The following ETV6 variants were observed in gnomAD, a reference collection of about 807,000 sequenced individuals.
ETV6 encodes the protein transcription factor ETV6.
ETV6 carries 16 observed loss-of-function variants against 51.1 expected under a neutral mutation model. The ratio of observed to expected loss-of-function variants is 0.31; its 90% CI spans 0.21 to 0.48. ETV6 has a LOEUF of 0.48. ETV6 is among the 20% of genes least tolerant of loss of function. ETV6 has a pLI of 0.99. For synonymous variants in ETV6, 240 were observed against 224.1 expected (o/e 1.07, Z -0.64); for missense variants, 458 against 594.8 (o/e 0.77, Z 2.39).
rs1193703888 is a variant in ETV6 at position 11,853,541 on chromosome 12, T to G, written c.443T>G (p.Leu148Arg). 6.2e-7 allele frequency: 1 copy of G among 1,614,272 alleles called. No individual in the cohort carries two copies. Among genetic ancestry groups the G allele is most frequent in the Admixed American group, 1.7e-5 (1 of 60,036 alleles). Residue 148 changes from leucine (L) to arginine (R), a missense_variant, in exon 4 of 8, where the codon CTG (leucine) becomes CGG (arginine). By Grantham distance (102) the Leu-to-Arg change is moderately radical. Transcript: ENST00000396373. ...ATACACACACAGCCGGAGGTCATAC[T>G]GCATCAGAACCATGAAGAAGGTACT... is the stretch of plus-strand genomic sequence containing the variant. ...NSIHTQPEVI[L>R]HQNHEEDNCV... is the part of the protein sequence containing the mutation.
intron 1 of ETV6, among the ~76,000 whole-genome samples, chr12:11,702,894 C>G (rs556197394): frequency 2.3e-4 from 35 of 152,220 alleles, no homozygotes; most frequent in African/African-American, 8.4e-4. Flanking sequence ...TCGCTTGAGC[C>G]CAGGAGTTTA....
intron 2 of ETV6, among the ~76,000 whole-genome samples, chr12:11,759,160 T>TC (rs1945046169): frequency 1.1e-5 from 1 of 92,744 alleles, no homozygotes; most frequent in Admixed American, 1.5e-4. Context: ...TTTATAGATG[T>TC]CTTTTTTTTT....
chr12:11,893,797 TATATATATATATATA>T lies in ETV6; in HGVS notation c.*2752_*2766del. 1 of 6,140 alleles carries T rather than the reference TATATATATATATATA, an allele frequency of 1.6e-4. No individual in the cohort carries two copies. 0.4% of individuals were successfully genotyped at this position (6,140 alleles called of 1,614,324 possible). On this transcript the variant is annotated 3_prime_UTR_variant, in exon 8 of 8. Coordinates refer to ENST00000396373, the MANE Select transcript of ETV6 (RefSeq NM_001987.5). Reference sequence around the variant, plus strand: ...TCCATCCCCAAGATCTCTCATTTTATATATATATATATATATATATATATATATATATATATATAT... The same window carrying T: ...TCCATCCCCAAGATCTCTCATTTTATTATATATATATATATATATATATAT...
chr12:11,698,078 C>G (rs765023097), intron 1 of ETV6, among the ~76,000 whole-genome samples: 1 of 152,044 alleles, frequency 6.6e-6, no homozygotes, highest in Non-Finnish European at 1.5e-5. Context: ...TTTTCCATAC[C>G]CCATTACTAT....
chr12:11,863,649 C>A (rs1246892824), intron 4 of ETV6, among the ~76,000 whole-genome samples: 1 of 152,208 alleles, frequency 6.6e-6, no homozygotes, highest in East Asian at 1.9e-4. Context: ...AAAAAATCTT[C>A]TTGTTTTAGA....
intron 1 of ETV6, among the ~76,000 whole-genome samples, chr12:11,723,946 T>A (rs947236072): frequency 1.3e-5 from 2 of 151,928 alleles, no homozygotes; most frequent in African/African-American, 2.4e-5. Context: ...GGACCTACAC[T>A]CTCGGGGGTG....
intron 5 of ETV6, among the ~76,000 whole-genome samples, chr12:11,876,698 C>A (rs1946990314): frequency 6.6e-6 from 1 of 152,170 alleles, no homozygotes; most frequent in South Asian, 2.1e-4. Context: ...GTTCAAAGGC[C>A]ATGGCCTACC....
At chr12:11,886,669 C>T (rs967601554) in intron 7 of ETV6, among the ~76,000 whole-genome samples, 3 of 152,128 alleles carry the variant, frequency 2.0e-5, no homozygotes, top group Non-Finnish European at 4.4e-5. Context: ...ATTTTTCTTT[C>T]CAGAATTCCT....
intron 1 of ETV6, among the ~76,000 whole-genome samples, chr12:11,733,407 CAAA>C (rs11394100): frequency 2.0e-5 from 2 of 101,076 alleles, no homozygotes; most frequent in Admixed American, 1.2e-4. Flanking sequence ...GACTCCATCT[CAAA>C]AAAAAAAAAA....
At chr12:11,784,862 AT>A (rs34004409) in intron 2 of ETV6, among the ~76,000 whole-genome samples, 1,837 of 85,752 alleles carry the variant, frequency 0.021, 33 homozygotes, top group African/African-American at 0.074. Context: ...TGCCTTGCTA[AT>A]TTTTTTTTTT....
At chr12:11,849,360 C>A (rs1946513336) in intron 3 of ETV6, among the ~76,000 whole-genome samples, 1 of 152,176 alleles carries the variant, frequency 6.6e-6, no homozygotes, top group Non-Finnish European at 1.5e-5. Flanking sequence ...GATCCTCCTG[C>A]CTCTGCCTCC....
chr12:11,709,253 CTCTTATCCCAGTTAGCCACTG>C (rs1214382116), intron 1 of ETV6, among the ~76,000 whole-genome samples: 1 of 152,184 alleles, frequency 6.6e-6, no homozygotes, highest in African/African-American at 2.4e-5. Context: ...TACCCCTGCC[CTCTTATCCCAGTTAGCCACTG>C]TCTTAAATTT....
chr12:11,872,791 C>G (rs1158575320), intron 5 of ETV6, among the ~76,000 whole-genome samples: 1 of 152,142 alleles, frequency 6.6e-6, no homozygotes, highest in East Asian at 1.9e-4. Flanking sequence ...CCACTGCACC[C>G]AGCCTATACT....
intron 2 of ETV6, among the ~76,000 whole-genome samples, chr12:11,820,940 TC>T (rs1946071042): frequency 6.6e-6 from 1 of 152,098 alleles, no homozygotes; most frequent in Non-Finnish European, 1.5e-5. Flanking sequence ...GTAACAATGA[TC>T]CAGGCAAGAG....
chr12:11,839,371 C>T (rs1946359673), intron 3 of ETV6, 67 bp downstream of exon 3: 3 of 1,461,736 alleles, frequency 2.1e-6, no homozygotes, highest in Admixed American at 2.0e-5. Context: ...TGGTCTTTAA[C>T]ACCCCTCACC....
intron 2 of ETV6, among the ~76,000 whole-genome samples, chr12:11,782,571 T>A (rs1025613546): frequency 3.3e-5 from 5 of 152,200 alleles, no homozygotes; most frequent in African/African-American, 1.2e-4. Context: ...CATTTTAAAA[T>A]TGGCTTTGTA....
chr12:11,886,397 A>G (rs1006801753), intron 7 of ETV6, among the ~76,000 whole-genome samples: 2 of 152,162 alleles, frequency 1.3e-5, no homozygotes, highest in Non-Finnish European at 2.9e-5. Flanking sequence ...TTTCTGAACC[A>G]GTATTTGTCA....
Position 11,893,843 on chromosome 12 carries a change from CACACACACACACAT to C in ETV6, c.*2803_*2816del, listed in dbSNP as rs1947346655. ...ATATATATATATATATATATATATA[CACACACACACACAT>C]ACACAAATATTCCAGGATACAAAAA... On this transcript the variant is annotated 3_prime_UTR_variant, in exon 8 of 8. Coordinates refer to ENST00000396373, the MANE Select transcript of ETV6 (RefSeq NM_001987.5). 1 of 54,182 alleles carries C rather than the reference CACACACACACACAT, an allele frequency of 1.8e-5. No homozygotes were observed. The highest frequency in any genetic ancestry group is 4.2e-4 in the East Asian group (1 of 2,360). 3.4% of individuals were successfully genotyped at this position (54,182 alleles called of 1,614,324 possible).
At position 11,728,033 on chromosome 12, in the gene ETV6, G is replaced by A. The variant is rs941651466; in HGVS notation, c.34-24417G>A. ...CGGGGTTTCACCATGTTGGCCAGGC[G>A]GTTCTCGAACTCCTGACCTCAAGTG... On this transcript the variant is annotated intron_variant, in intron 1 of 7. Coordinates refer to ENST00000396373, the MANE Select transcript of ETV6 (RefSeq NM_001987.5). 5.3e-5 allele frequency among the ~76,000 whole-genome samples: 8 copies of A among 151,998 alleles called. No individual in the cohort carries two copies. The East Asian group carries it at 7.7e-4, about 15-fold the overall frequency.
Sources: gnomAD v4.1 joint callset for allele counts (sites outside exome capture counted in the v4.1 genomes callset) on GRCh38, gnomAD v4.1.1 for gene constraint, MANE v1.5 for transcripts, NCBI Gene and HGNC (gene_info 2026-07-23, HGNC 2026-07-21) for gene names.